The following AUTS2 variants were observed in gnomAD, a reference collection of about 807,000 sequenced individuals.
AUTS2 encodes autism susceptibility gene 2 protein.
Under a neutral mutation model 112.4 loss-of-function variants are expected in AUTS2, and 17 were observed. The observed-to-expected ratio is 0.15, with a 90% CI of 0.10 to 0.23. The LOEUF (loss-of-function observed/expected upper bound fraction) is 0.23, where lower values mean the gene tolerates loss of function less well. Among genes scored for constraint, AUTS2 ranks in the 10% least tolerant of loss-of-function variants. The probability of loss-of-function intolerance (pLI) is 1.00; values close to 1 mark genes in which losing one functional copy is unlikely to be tolerated. For missense variants in AUTS2, 1,510 were observed against 1,701.6 expected (o/e 0.89, Z 1.98); for synonymous variants, 751 against 702.7 (o/e 1.07, Z -1.09).
intron 1 of AUTS2, among the ~76,000 whole-genome samples, chr7:69,608,317 G>T (rs934197216): frequency 6.6e-6 from 1 of 152,152 alleles, no homozygotes; most frequent in Non-Finnish European, 1.5e-5. Context: ...TTGTGATGAC[G>T]CCTGAGGGAT....
intron 2 of AUTS2, among the ~76,000 whole-genome samples, chr7:69,949,630 A>G (rs1796951313): frequency 6.6e-6 from 1 of 152,234 alleles, no homozygotes; most frequent in Non-Finnish European, 1.5e-5. Context: ...TTCTGTTTAG[A>G]AACACTTAAT....
At chr7:69,914,301 A>G (rs1795471659) in intron 2 of AUTS2, among the ~76,000 whole-genome samples, 1 of 150,984 alleles carries the variant, frequency 6.6e-6, no homozygotes, top group African/African-American at 2.4e-5. Flanking sequence ...GTTACATTCC[A>G]ACTTTAATTG....
At chr7:69,744,472 T>G (rs1787400657) in intron 1 of AUTS2, among the ~76,000 whole-genome samples, 1 of 152,140 alleles carries the variant, frequency 6.6e-6, no homozygotes, top group Admixed American at 6.6e-5. Context: ...TTCTGTTTCC[T>G]CTTCAGGAGT....
At chr7:70,320,158 C>T (rs1308998576) in intron 4 of AUTS2, among the ~76,000 whole-genome samples, 3 of 152,118 alleles carry the variant, frequency 2.0e-5, no homozygotes, top group Non-Finnish European at 4.4e-5. Flanking sequence ...AAACCCTGTC[C>T]TATTGGTACT....
At chr7:70,603,992 C>T (rs570769191) in intron 5 of AUTS2, among the ~76,000 whole-genome samples, 1 of 152,202 alleles carries the variant, frequency 6.6e-6, no homozygotes, top group Admixed American at 6.5e-5. Flanking sequence ...GGGTTTAAAC[C>T]CGGGTCCCTC....
rs1399953575 is a variant in AUTS2, at chr7:69,902,299, T to A, written c.522+2801T>A. On this transcript the variant is annotated intron_variant, in intron 2 of 18. Transcript: ENST00000342771. Reference sequence around the variant, plus strand: ...AATACTCGTGATTGCTTTCCTATCATCCTAGATGCCTGTAAATATCACAAT... The same window carrying A: ...AATACTCGTGATTGCTTTCCTATCAACCTAGATGCCTGTAAATATCACAAT... 2.6e-5 allele frequency among the ~76,000 whole-genome samples: 4 copies of A among 152,178 alleles called. No homozygotes were observed. In the East Asian group the frequency reaches 7.7e-4, roughly 29 times the overall value.
At chr7:69,926,901 G>A (rs897833835) in intron 2 of AUTS2, among the ~76,000 whole-genome samples, 2 of 143,680 alleles carry the variant, frequency 1.4e-5, no homozygotes, top group African/African-American at 2.5e-5. Context: ...AAGATATATA[G>A]CATATATAAT....
At chr7:70,624,843 A>T (rs1804855128) in intron 5 of AUTS2, among the ~76,000 whole-genome samples, 1 of 152,228 alleles carries the variant, frequency 6.6e-6, no homozygotes, top group South Asian at 2.1e-4. Context: ...TATCATCATT[A>T]TCATCACCAC....
At chr7:69,791,355 TG>T (rs1288937614) in intron 1 of AUTS2, among the ~76,000 whole-genome samples, 1 of 152,224 alleles carries the variant, frequency 6.6e-6, no homozygotes, top group East Asian at 1.9e-4. Context: ...TCCAGAGGTT[TG>T]GGGCTGTAAT....
intron 1 of AUTS2, among the ~76,000 whole-genome samples, chr7:69,827,745 G>T (rs1352529590): frequency 6.6e-6 from 1 of 152,214 alleles, no homozygotes; most frequent in Non-Finnish European, 1.5e-5. Context: ...GAGAAGGGTT[G>T]TTCTGTTCCT....
intron 1 of AUTS2, among the ~76,000 whole-genome samples, chr7:69,860,671 T>A (rs950220072): frequency 7.8e-6 from 1 of 127,756 alleles, no homozygotes; most frequent in Non-Finnish European, 1.8e-5. Context: ...GTTGCTTAAT[T>A]TTTTTTTCCC....
chr7:69,847,176 C>T (rs1324221685), intron 1 of AUTS2, among the ~76,000 whole-genome samples: 3 of 152,194 alleles, frequency 2.0e-5, no homozygotes, highest in Admixed American at 1.3e-4. Flanking sequence ...GAACATACGA[C>T]GTAGAGATCA....
At chr7:70,287,122 ATGT>A (rs529499786) in intron 4 of AUTS2, among the ~76,000 whole-genome samples, 95 of 152,246 alleles carry the variant, frequency 6.2e-4, no homozygotes, top group South Asian at 2.5e-3. Flanking sequence ...TCAGTTCTAC[ATGT>A]TGTTGTTCTT....
chr7:70,447,348 G>A (rs144181596), intron 5 of AUTS2, among the ~76,000 whole-genome samples: 1 of 152,332 alleles, frequency 6.6e-6, no homozygotes, highest in East Asian at 1.9e-4. Context: ...ACAGCTAATG[G>A]TAGCAGAAAT....
At chr7:70,634,716 G>T (rs1173427679) in intron 5 of AUTS2, among the ~76,000 whole-genome samples, 1 of 152,150 alleles carries the variant, frequency 6.6e-6, no homozygotes, top group Non-Finnish European at 1.5e-5. Flanking sequence ...TGATTCAGCG[G>T]GGTGACCTCA....
intron 2 of AUTS2, among the ~76,000 whole-genome samples, chr7:69,985,851 G>A (rs1463267131): frequency 6.6e-6 from 1 of 151,948 alleles, no homozygotes; most frequent in Non-Finnish European, 1.5e-5. Context: ...GAGCTCCTCG[G>A]TTCAAGTGAT....
chr7:70,085,116 A>G (rs964317363), intron 2 of AUTS2, among the ~76,000 whole-genome samples: 7 of 152,124 alleles, frequency 4.6e-5, no homozygotes, highest in Admixed American at 6.6e-5. Flanking sequence ...AGCTCAATCA[A>G]TCCTCCTGCC....
In AUTS2 at chr7:69,982,479, C is replaced by T. The variant is rs560318290; in HGVS notation, c.522+82981C>T. Reference sequence around the variant, plus strand: ...GGCTATCCTGAGGGGGGAAAAAAAACGTGGAGTATTTTCCTTGGACCTCTG... The same window carrying T: ...GGCTATCCTGAGGGGGGAAAAAAAATGTGGAGTATTTTCCTTGGACCTCTG... On this transcript the variant is annotated intron_variant, in intron 2 of 18. Transcript: ENST00000342771. 3.4e-5 allele frequency among the ~76,000 whole-genome samples: 5 copies of T among 148,716 alleles called. No individual in the cohort carries two copies. In the East Asian group the frequency reaches 5.9e-4, roughly 18 times the overall value.
intron 5 of AUTS2, among the ~76,000 whole-genome samples, chr7:70,667,068 G>T (rs753226219): frequency 4.0e-5 from 6 of 151,570 alleles, no homozygotes; most frequent in Non-Finnish European, 7.4e-5. Flanking sequence ...CTGACTTTGT[G>T]CAAACACAGT....
Sources: gnomAD v4.1 joint callset for allele counts (sites outside exome capture counted in the v4.1 genomes callset) on GRCh38, gnomAD v4.1.1 for gene constraint, MANE v1.5 for transcripts, NCBI Gene and HGNC (gene_info 2026-07-23, HGNC 2026-07-21) for gene names.